The following CD58 variants were observed in gnomAD, a reference collection of about 807,000 sequenced individuals.
CD58 encodes CD58 molecule, also known as lymphocyte function-associated antigen 3.
Under a neutral mutation model 27.6 loss-of-function variants are expected in CD58, and 14 were observed. The observed-to-expected ratio is 0.51, with a 90% CI of 0.34 to 0.79. The LOEUF is 0.79. Ranked by LOEUF, CD58 falls within the 30% of genes least tolerant of loss-of-function variation. The pLI is 0.02. For missense variants in CD58, 268 were observed against 301.7 expected (o/e 0.89, Z 0.83); for synonymous variants, 117 against 103.8 (o/e 1.13, Z -0.77).
rs548589875 is a variant in CD58 at position 116,546,350 on chromosome 1, C to G, written c.71-1746G>C. 6.6e-6 allele frequency among the ~76,000 whole-genome samples: 1 copy of G among 152,298 alleles called. No homozygotes were observed. Among genetic ancestry groups the G allele is most frequent in the Non-Finnish European group, 1.5e-5 (1 of 68,030 alleles). On this transcript the variant is annotated intron_variant, in intron 1 of 5. Coordinates refer to ENST00000369489, the MANE Select transcript of CD58 (RefSeq NM_001779.3). This position sits in a 1 kb window ranked among gnomAD's most constrained non-coding sequence, Gnocchi z 4.1. ...AATTTCAGATAAGAAGCAAATATCA[C>G]CCATTTGTTTATCTACAAGGACTTT...
chr1:116,535,257 A>T (rs1474477042), intron 3 of CD58, among the ~76,000 whole-genome samples: 1 of 152,230 alleles, frequency 6.6e-6, no homozygotes, highest in African/African-American at 2.4e-5. Context: ...TTATAACAAT[A>T]TTATAAAGCA....
rs988858591 is a variant in CD58 at position 116,531,107 on chromosome 1, A to G, written c.628+4858T>C. 5.3e-5 allele frequency among the ~76,000 whole-genome samples: 8 copies of G among 152,256 alleles called. No homozygotes were observed. Among genetic ancestry groups the G allele is most frequent in the Non-Finnish European group, 1.2e-4 (8 of 68,044 alleles). On this transcript the variant is annotated intron_variant, in intron 3 of 5. Transcript: ENST00000369489. This position sits in a 1 kb window ranked among gnomAD's most constrained non-coding sequence, Gnocchi z 4.5. Reference sequence around the variant, plus strand: ...AATTAATAGTACTTATTTCAAATCAATAAGAGGAATATCATTCCTCTTATG... The same window carrying G: ...AATTAATAGTACTTATTTCAAATCAGTAAGAGGAATATCATTCCTCTTATG...
In CD58 at chr1:116,544,229, A is replaced by G. The variant is rs1286938569; in HGVS notation, c.364+82T>C. 30 of 931,450 alleles carry G rather than the reference A, an allele frequency of 3.2e-5. No homozygotes were observed. The South Asian group carries it at 3.3e-4, about 10-fold the overall frequency. 57.7% of individuals were successfully genotyped at this position (931,450 alleles called of 1,614,324 possible). A position where few individuals can be genotyped will look rare whatever the true frequency, so the allele number is the denominator to read the frequency against. ...ACATCTAATTCTTTTCTCATAGACC[A>G]TTAATTTGTGCTAGTCTCTGAAAAC... On this transcript the variant is annotated intron_variant, in intron 2 of 5. Coordinates refer to ENST00000369489, the MANE Select transcript of CD58 (RefSeq NM_001779.3).
chr1:116,530,325 C>T (rs889347348), intron 3 of CD58, among the ~76,000 whole-genome samples: 1 of 152,004 alleles, frequency 6.6e-6, no homozygotes, highest in African/African-American at 2.4e-5. Context: ...CCTGCCTCAG[C>T]CTCCCAAGTA....
intron 1 of CD58, among the ~76,000 whole-genome samples, chr1:116,568,876 A>G (rs545029143): frequency 6.6e-6 from 1 of 152,354 alleles, no homozygotes; most frequent in Admixed American, 6.5e-5. Context: ...TGATGCTGTT[A>G]ATCACTGCAT....
At chr1:116,520,980 G>C (rs1021087674) in intron 4 of CD58, among the ~76,000 whole-genome samples, 3 of 152,148 alleles carry the variant, frequency 2.0e-5, no homozygotes, top group Non-Finnish European at 2.9e-5. Flanking sequence ...CCTTATCTGG[G>C]CTATCCAGTA....
intron 3 of CD58, chr1:116,533,644 G>A (rs1325341761): frequency 8.6e-6 from 6 of 695,250 alleles, no homozygotes; most frequent in Non-Finnish European, 1.4e-5. Flanking sequence ...TTCAGCTGTT[G>A]CTGCTGCTTT....
In CD58 at chr1:116,557,618, T is replaced by G. The variant is rs1571086712; in HGVS notation, c.71-13014A>C. 6.6e-6 allele frequency among the ~76,000 whole-genome samples: 1 copy of G among 152,184 alleles called. No individual in the cohort carries two copies. Among genetic ancestry groups the G allele is most frequent in the Admixed American group, 6.5e-5 (1 of 15,286 alleles). Reference sequence around the variant, plus strand: ...TGTCATTTCTTTCTTTTCTTTCTTTTTATTTTTCTCTTTCTTTCCCTCTCT... The same window carrying G: ...TGTCATTTCTTTCTTTTCTTTCTTTGTATTTTTCTCTTTCTTTCCCTCTCT... On this transcript the variant is annotated intron_variant, in intron 1 of 5. Transcript: ENST00000369489. This position sits in a 1 kb window ranked among gnomAD's most constrained non-coding sequence, Gnocchi z 5.2.
rs1553204202 is a variant in CD58 at position 116,538,724 on chromosome 1, G to GAGGTGCATACATC, written c.365-2497_365-2496insGATGTATGCACCT. 6.6e-6 allele frequency among the ~76,000 whole-genome samples: 1 copy of GAGGTGCATACATC among 152,136 alleles called. No individual in the cohort carries two copies. Among genetic ancestry groups the GAGGTGCATACATC allele is most frequent in the Non-Finnish European group, 1.5e-5 (1 of 68,026 alleles). The stretch of plus-strand genomic sequence containing the variant: ...GAACAGAGGTGCATCATCAGCCCCA[G>GAGGTGCATACATC]AGACTGTGTATCTTTGGAGGGCAAA... On this transcript the variant is annotated intron_variant, in intron 2 of 5. Transcript: ENST00000369489. This position sits in a 1 kb window ranked among gnomAD's most constrained non-coding sequence, Gnocchi z 4.7.
rs199552516 is a variant in CD58, at chr1:116,536,603, TTC to T, written c.365-377_365-376del. Among the ~76,000 whole-genome samples the T allele has an allele frequency of 7.3e-3, 1,112 of 152,130 alleles. 15 individuals are homozygous for T. The highest frequency in any genetic ancestry group is 0.025 in the African/African-American group (1,057 of 41,508). ...CTGTTGGTTTAAAAGTGTGTGGCAG[TTC>T]TCTCTCTCTCCTGCTGCCTTGTGAA... On this transcript the variant is annotated intron_variant, in intron 2 of 5. Coordinates refer to ENST00000369489, the MANE Select transcript of CD58 (RefSeq NM_001779.3). The surrounding 1 kb of genome is among the most constrained non-coding windows in gnomAD (Gnocchi z 5.4).
At chr1:116,564,415 G>A (rs1044821246) in intron 1 of CD58, among the ~76,000 whole-genome samples, 3 of 152,084 alleles carry the variant, frequency 2.0e-5, no homozygotes, top group African/African-American at 7.3e-5. Context: ...AGGTATCTTT[G>A]CAGCAGTGCC....
intron 3 of CD58, among the ~76,000 whole-genome samples, chr1:116,525,314 C>A (rs1657394890): frequency 6.6e-6 from 1 of 152,148 alleles, no homozygotes; most frequent in Non-Finnish European, 1.5e-5. Context: ...AGATTGGATT[C>A]TTTGACTTAT....
chr1:116,567,689 A>G (rs373145380), intron 1 of CD58, among the ~76,000 whole-genome samples: 3 of 152,212 alleles, frequency 2.0e-5, no homozygotes, highest in African/African-American at 4.8e-5. Flanking sequence ...AAGAATCACC[A>G]TAGGATACTA....
intron 1 of CD58, among the ~76,000 whole-genome samples, chr1:116,548,961 A>C (rs1196010637): frequency 6.6e-6 from 1 of 152,192 alleles, no homozygotes; most frequent in African/African-American, 2.4e-5. Flanking sequence ...TCCAAGAGGC[A>C]TATCACCTTG....
chr1:116,564,174 CA>C (rs1353330931), intron 1 of CD58, among the ~76,000 whole-genome samples: 1 of 152,204 alleles, frequency 6.6e-6, no homozygotes, highest in Non-Finnish European at 1.5e-5. Flanking sequence ...CTTTAGGGCA[CA>C]GGCAAAATGC....
chr1:116,543,366 G>A (rs1658054707), intron 2 of CD58, among the ~76,000 whole-genome samples: 1 of 151,992 alleles, frequency 6.6e-6, no homozygotes, highest in Non-Finnish European at 1.5e-5. Context: ...CATGGGTAGT[G>A]GGTAACGTAG....
Position 116,522,844 on chromosome 1 carries a change from T to C in CD58, c.629-861A>G, listed in dbSNP as rs923575379. ...AGTTGTATATAATAAGCCTTAAAAA[T>C]ATTTATCATGAAGCATCTAGACATT... is the stretch of plus-strand genomic sequence containing the variant. On this transcript the variant is annotated intron_variant, in intron 3 of 5. Coordinates refer to ENST00000369489, the MANE Select transcript of CD58 (RefSeq NM_001779.3). This position sits in a 1 kb window ranked among gnomAD's most constrained non-coding sequence, Gnocchi z 4.6. Among the ~76,000 whole-genome samples the C allele has an allele frequency of 2.0e-5, 3 of 152,220 alleles. No homozygotes were observed. The highest frequency in any genetic ancestry group is 7.2e-5 in the African/African-American group (3 of 41,460).
intron 1 of CD58, among the ~76,000 whole-genome samples, chr1:116,549,629 C>A (rs1356994782): frequency 6.6e-6 from 1 of 152,154 alleles, no homozygotes; most frequent in Non-Finnish European, 1.5e-5. Flanking sequence ...CACATACATA[C>A]AACTTTACAC....
chr1:116,518,817 C>A (rs1657166543), intron 5 of CD58: 1 of 1,019,346 alleles, frequency 9.8e-7, no homozygotes, highest in African/African-American at 1.7e-5. Context: ...CCTGATCCAA[C>A]TTTTTCTGGG....
Sources: gnomAD v4.1 joint callset for allele counts (sites outside exome capture counted in the v4.1 genomes callset) on GRCh38, gnomAD v4.1.1 for gene constraint, Gnocchi (gnomAD v3.1) non-coding constraint, MANE v1.5 for transcripts, NCBI Gene and HGNC (gene_info 2026-07-23, HGNC 2026-07-21) for gene names.